LRRC37A2: variants seen among roughly 807,000 people sequenced by gnomAD.
LRRC37A2 encodes the protein leucine-rich repeat-containing protein 37A2.
LRRC37A2 carries 9 observed loss-of-function variants against 68.8 expected under a neutral mutation model. The ratio of observed to expected loss-of-function variants is 0.13; its 90% CI spans 0.08 to 0.23. The LOEUF is 0.23. Ranked by LOEUF, LRRC37A2 falls within the 10% of genes least tolerant of loss-of-function variation. The pLI is 1.00. For synonymous variants in LRRC37A2, 63 were observed against 367.6 expected (o/e 0.17, Z 9.48); for missense variants, 168 against 950.4 (o/e 0.18, Z 10.82).
chr17:46,908,623 GGCC>G, the LRRC37A2 span, among the ~76,000 whole-genome samples: 1 of 152,156 alleles, frequency 6.6e-6, no homozygotes, highest in Non-Finnish European at 1.5e-5. Context: ...GCAGAGATGT[GGCC>G]GCCATCTGGC....
At chr17:46,876,296 T>A in the LRRC37A2 span, 1 of 1,614,130 alleles carries the variant, frequency 6.2e-7, no homozygotes. Flanking sequence ...CGTATCAGGC[T>A]CCTGTGCCGT....
chr17:46,893,241 C>A, the LRRC37A2 span, among the ~76,000 whole-genome samples: 2 of 152,142 alleles, frequency 1.3e-5, no homozygotes, highest in Non-Finnish European at 2.9e-5. Context: ...GCTACCTGAA[C>A]TTTCTTAAGA....
chr17:47,022,166 C>CTTTT, the LRRC37A2 span, among the ~76,000 whole-genome samples: 221 of 15,802 alleles, frequency 0.014, 22 homozygotes, highest in Non-Finnish European at 0.035. Flanking sequence ...CCTTTTTGTT[C>CTTTT]TCTTTTTTTT....
the LRRC37A2 span, chr17:46,755,772 T>A: frequency 6.2e-7 from 1 of 1,602,358 alleles, no homozygotes; most frequent in Non-Finnish European, 8.5e-7. Context: ...CCCTCATCTG[T>A]TTTTTTGTGT....
the LRRC37A2 span, chr17:46,936,735 A>T: frequency 1.0e-6 from 1 of 984,836 alleles, no homozygotes; most frequent in Non-Finnish European, 1.2e-6. Flanking sequence ...GTTCAGAGCC[A>T]AGCAGGACTT....
the LRRC37A2 span, among the ~76,000 whole-genome samples, chr17:46,739,644 A>C: frequency 1.3e-5 from 2 of 152,112 alleles, no homozygotes; most frequent in Non-Finnish European, 2.9e-5. Flanking sequence ...CTCTACTAAA[A>C]AAAAAAATAA....
the LRRC37A2 span, among the ~76,000 whole-genome samples, chr17:46,778,531 C>G: frequency 1.3e-5 from 2 of 152,300 alleles, no homozygotes; most frequent in South Asian, 4.1e-4. Flanking sequence ...CGGCCACCCC[C>G]ACCCTGAGCC....
At chr17:46,833,266 C>T in the LRRC37A2 span, 2 of 461,484 alleles carry the variant, frequency 4.3e-6, no homozygotes, top group South Asian at 1.6e-5. Flanking sequence ...GCTGAGCTCC[C>T]TGGGTGATGG....
At chr17:46,667,460 CTT>C in the LRRC37A2 span, among the ~76,000 whole-genome samples, 11 of 128,172 alleles carry the variant, frequency 8.6e-5, 1 homozygote, top group Admixed American at 8.1e-5. Context: ...GTTTGATTTT[CTT>C]TTTTTTTTTT....
the LRRC37A2 span, among the ~76,000 whole-genome samples, chr17:46,737,186 T>C: frequency 6.6e-6 from 1 of 152,190 alleles, no homozygotes; most frequent in African/African-American, 2.4e-5. Context: ...CACTGTTCAA[T>C]TGTGAAGTTT....
the LRRC37A2 span, among the ~76,000 whole-genome samples, chr17:46,919,531 A>G: frequency 6.6e-6 from 1 of 152,168 alleles, no homozygotes; most frequent in Non-Finnish European, 1.5e-5. Context: ...CCAAAGGAAA[A>G]CAAGACATAG....
chr17:46,883,866 C>T, the LRRC37A2 span, among the ~76,000 whole-genome samples: 1 of 152,206 alleles, frequency 6.6e-6, no homozygotes, highest in African/African-American at 2.4e-5. Context: ...TCTCACGCGT[C>T]TTATCCCCCC....
chr17:46,811,963 AAAAG>A, the LRRC37A2 span, among the ~76,000 whole-genome samples: 2 of 152,222 alleles, frequency 1.3e-5, no homozygotes, highest in African/African-American at 2.4e-5. Context: ...TTTCAAGAAA[AAAAG>A]AAAGAAAGAA....
At chr17:46,568,436 C>T in the LRRC37A2 span, among the ~76,000 whole-genome samples, 6 of 120,280 alleles carry the variant, frequency 5.0e-5, 1 homozygote, top group African/African-American at 2.1e-4. Flanking sequence ...GATAGCCAAG[C>T]AAGTTAGATG....
chr17:46,989,961 G>T, the LRRC37A2 span, among the ~76,000 whole-genome samples: 11 of 152,190 alleles, frequency 7.2e-5, no homozygotes, highest in African/African-American at 2.7e-4. Flanking sequence ...AGAATCATGA[G>T]AAATAATTAA....
chr17:46,936,242 CT>C, the LRRC37A2 span: 2 of 985,440 alleles, frequency 2.0e-6, no homozygotes, highest in Non-Finnish European at 2.4e-6. Flanking sequence ...AACTGCTACT[CT>C]CCTTTTCATA....
At chr17:46,848,170 A>G in the LRRC37A2 span, among the ~76,000 whole-genome samples, 2 of 151,972 alleles carry the variant, frequency 1.3e-5, no homozygotes, top group Non-Finnish European at 2.9e-5. Flanking sequence ...GAATGTAGAC[A>G]CCCATGGGGG....
chr17:46,461,599 GTAA>G, the LRRC37A2 span, among the ~76,000 whole-genome samples: 1 of 77,822 alleles, frequency 1.3e-5, no homozygotes, highest in African/African-American at 4.8e-5. Flanking sequence ...TTCACATTTT[GTAA>G]CTTTTCTCTA....
At chr17:46,780,257 GACTGTGCTGCCAGGGACACCC>G in the LRRC37A2 span, among the ~76,000 whole-genome samples, 1 of 152,182 alleles carries the variant, frequency 6.6e-6, no homozygotes, top group South Asian at 2.1e-4. Context: ...ATGGGGGTCT[GACTGTGCTGCCAGGGACACCC>G]ACTGTGCTGC....
Sources: allele counts gnomAD v4.1 joint callset (sites outside exome capture counted in the v4.1 genomes callset), GRCh38; gene constraint gnomAD v4.1.1; transcripts MANE v1.5; gene names NCBI Gene and HGNC (gene_info 2026-07-23, HGNC 2026-07-21).